Variants in ZNF7 observed in about 807,000 individuals in gnomAD.
ZNF7 encodes the protein zinc finger protein 7.
A neutral mutation model predicts 12.0 loss-of-function variants in ZNF7; 10 were observed. That is an observed-to-expected ratio of 0.83 (90% confidence interval 0.51 to 1.42). ZNF7 has a LOEUF of 1.42. ZNF7 is among the 40% of genes most tolerant of loss of function. ZNF7 has a pLI of 0.00. For synonymous variants in ZNF7, 334 were observed against 295.0 expected, an observed-to-expected ratio of 1.13 and a Z score of -1.35; for missense variants, 854 against 837.2, an observed-to-expected ratio of 1.02 and a Z score of -0.25.
intron 3 of ZNF7, among the ~76,000 whole-genome samples, chr8:144,832,627 C>G (rs1402683262): frequency 6.6e-6 from 1 of 151,968 alleles, no homozygotes; most frequent in Non-Finnish European, 1.5e-5. Context: ...TCTCAGGAGG[C>G]TGAGGCAGGA....
downstream of ZNF7, among the ~76,000 whole-genome samples, chr8:144,845,036 G>A (rs1830436365): frequency 6.6e-6 from 1 of 152,132 alleles, no homozygotes; most frequent in Non-Finnish European, 1.5e-5. Context: ...ACAGGGGCAG[G>A]GTCAGGGAGG....
rs192197055 is a variant in ZNF7 at position 144,838,061 on chromosome 8, C to G, written c.247+554C>G. ...GGGTCAGCAAGCAGGGCCGTGCCCC[C>G]CTGTGAAGGCTTTAGGGAAGGATCC... is the stretch of plus-strand genomic sequence containing the variant. On this transcript the variant is annotated intron_variant, in intron 4 of 4. Transcript: ENST00000532777. The G allele has an allele frequency of 2.5e-4, 177 of 702,908 alleles. 1 individual carries two copies. The East Asian group carries it at 3.7e-3, about 15-fold the overall frequency. 43.5% of individuals were successfully genotyped at this position (702,908 alleles called of 1,614,324 possible).
At chr8:144,840,523 G>A (rs1361379663) in intron 4 of ZNF7, among the ~76,000 whole-genome samples, 1 of 152,190 alleles carries the variant, frequency 6.6e-6, no homozygotes, top group Non-Finnish European at 1.5e-5. Context: ...GCCGTGTGTT[G>A]TGGTTGCATC....
At chr8:144,828,848 A>G in intron 1 of ZNF7, 195 bp from the exon 2 acceptor site, 1 of 663,058 alleles carries the variant, frequency 1.5e-6, no homozygotes, top group Non-Finnish European at 2.6e-6. Context: ...ACACACACAT[A>G]CACTCTAAAG....
intron 3 of ZNF7, chr8:144,837,108 G>T (rs558608335): frequency 4.8e-5 from 13 of 271,278 alleles, no homozygotes; most frequent in African/African-American, 2.6e-4. Flanking sequence ...TCCAGGGGTA[G>T]AGGCGGACTG....
intron 1 of ZNF7, 100 bp from the exon 2 acceptor site, chr8:144,828,943 G>T: frequency 1.4e-6 from 2 of 1,462,250 alleles, no homozygotes; most frequent in Admixed American, 2.0e-5. Flanking sequence ...AGAAATCTGG[G>T]GCTGGAGGTA....
chr8:144,837,488 A>G lies in ZNF7; in HGVS notation c.228A>G (p.Ala76=). The G allele has an allele frequency of 2.5e-6, 4 of 1,610,312 alleles. No individual in the cohort carries two copies. The highest frequency in any genetic ancestry group is 3.4e-6 in the Non-Finnish European group (4 of 1,177,060). Residue 76 remains alanine (A), a synonymous_variant, in exon 4 of 5, where the codon GCA becomes GCG. Transcript: ENST00000532777. The part of the protein sequence containing the change: ...LDLQGAEGTE[A]PRTSKTDSTI... ...TGCAGGGAGCAGAGGGGACAGAGGC[A>G]CCAAGGACCTCCAAGACAGGTGAGG...
downstream of ZNF7, among the ~76,000 whole-genome samples, chr8:144,844,377 G>T (rs961351833): frequency 4.6e-5 from 7 of 152,120 alleles, no homozygotes; most frequent in East Asian, 9.6e-4. Flanking sequence ...TTTTTGGTAG[G>T]GGGGAACGCG....
At chr8:144,834,163 A>G (rs1334651044) in intron 3 of ZNF7, 1 of 152,184 alleles carries the variant, frequency 6.6e-6, no homozygotes, top group Non-Finnish European at 1.5e-5. Flanking sequence ...TGTCAATGTA[A>G]AAGTTTTGAT....
chr8:144,842,252 G>A lies in ZNF7; in HGVS notation c.1145G>A (p.Arg382Lys). 1 of 1,614,084 alleles carries A rather than the reference G, an allele frequency of 6.2e-7. No homozygotes were observed. Among genetic ancestry groups the A allele is most frequent in the Non-Finnish European group, 8.5e-7 (1 of 1,180,034 alleles). Reference sequence around the variant, plus strand: ...AGCTCCACCCTAGCCCAGCATCAAAGGATGCATACTGGGGAGAAAGCTCAA... The same window carrying A: ...AGCTCCACCCTAGCCCAGCATCAAAAGATGCATACTGGGGAGAAAGCTCAA... ...SQSSTLAQHQ[R>K]MHTGEKAQIL... is the part of the protein sequence containing the mutation. Residue 382 changes from arginine (R) to lysine (K), a missense_variant, in exon 5 of 5, where the codon AGG becomes AAG. Transcript: ENST00000532777.
intron 4 of ZNF7, chr8:144,838,969 G>A (rs555893494): frequency 1.3e-5 from 2 of 151,506 alleles, no homozygotes; most frequent in Admixed American, 1.3e-4. Context: ...AAAAGCAGGG[G>A]CTGTGATCTT....
At chr8:144,829,407 A>G (rs1476623727) in intron 2 of ZNF7, 71 bp from the exon 3 acceptor site, 3 of 1,602,210 alleles carry the variant, frequency 1.9e-6, no homozygotes, top group East Asian at 4.5e-5. Context: ...TGCCTGAGAC[A>G]TGTCATGAGG....
In ZNF7 at chr8:144,842,254, A is replaced by G; in HGVS notation, c.1147A>G (p.Met383Val). The G allele has an allele frequency of 6.2e-7, 1 of 1,614,184 alleles. No individual in the cohort carries two copies. The highest frequency in any genetic ancestry group is 1.3e-5 in the African/African-American group (1 of 75,062). ...CTCCACCCTAGCCCAGCATCAAAGG[A>G]TGCATACTGGGGAGAAAGCTCAAAT... ...QSSTLAQHQR[M>V]HTGEKAQILK... The change falls in exon 5 of 5, where the codon ATG (methionine) becomes GTG (valine). Residue 383 changes from methionine to valine, a missense_variant. Met to Val is a conservative substitution (Grantham distance 21). Coordinates refer to ENST00000532777, the MANE Select transcript of ZNF7 (RefSeq NM_003416.4).
downstream of ZNF7, among the ~76,000 whole-genome samples, chr8:144,845,799 T>G (rs1425735308): frequency 6.6e-6 from 1 of 152,226 alleles, no homozygotes; most frequent in African/African-American, 2.4e-5. Flanking sequence ...CCACTGTAAC[T>G]GCCTCTTCTC....
In ZNF7 at chr8:144,827,595, TG is replaced by T. The variant is rs1827909028; in HGVS notation, c.-58del. ...GCGTCGCGCGTTTGCGAGCCTCGGG[TG>T]GTCCTCAGGGAGGGTGAGTCGGCGC... On this transcript the variant is annotated 5_prime_UTR_variant, in exon 1 of 5. Coordinates refer to ENST00000532777, the MANE Select transcript of ZNF7 (RefSeq NM_003416.4). 4.1e-6 allele frequency: 4 copies of T among 985,566 alleles called. No individual in the cohort carries two copies. In the African/African-American group the frequency reaches 5.2e-5, roughly 13 times the overall value. 61.1% of individuals were successfully genotyped at this position (985,566 alleles called of 1,614,324 possible). A position where few individuals can be genotyped will look rare whatever the true frequency, so the allele number is the denominator to read the frequency against.
intron 1 of ZNF7, 156 bp from the exon 2 acceptor site, chr8:144,828,887 A>T: frequency 1.1e-6 from 1 of 882,582 alleles, no homozygotes; most frequent in Non-Finnish European, 1.7e-6. Flanking sequence ...GGCCTCCTTC[A>T]CTCAAGTGCC....
At chr8:144,846,360 G>T (rs954924691), downstream of ZNF7, 1 of 601,008 alleles carries the variant, frequency 1.7e-6, no homozygotes, top group Non-Finnish European at 2.9e-6. Flanking sequence ...AATGGTTGGG[G>T]AGAAAATAAG....
chr8:144,828,843 C>T, intron 1 of ZNF7, 200 bp from the exon 2 acceptor site: 1 of 651,624 alleles, frequency 1.5e-6, no homozygotes, highest in Admixed American at 2.9e-5. Context: ...ATGCCACACA[C>T]ACATACACTC....
intron 4 of ZNF7, chr8:144,838,030 A>G (rs1042849093): frequency 2.9e-6 from 2 of 697,910 alleles, no homozygotes; most frequent in African/African-American, 3.6e-5. Context: ...GAAATCTGAA[A>G]CCGGGGGGTC....
Sources: allele counts gnomAD v4.1 joint callset (sites outside exome capture counted in the v4.1 genomes callset), GRCh38; gene constraint gnomAD v4.1.1; transcripts MANE v1.5; gene names NCBI Gene and HGNC (gene_info 2026-07-23, HGNC 2026-07-21).